Variants in RCOR1 observed in about 807,000 individuals in gnomAD.
The protein encoded by RCOR1 is REST corepressor 1, also known as REST corepressor.
RCOR1 carries 12 observed loss-of-function variants against 64.0 expected under a neutral mutation model. That is an observed-to-expected ratio of 0.19 (90% confidence interval 0.12 to 0.30). The LOEUF (loss-of-function observed/expected upper bound fraction) is 0.30, where lower values mean the gene tolerates loss of function less well. Ranked by LOEUF, RCOR1 falls within the 10% of genes least tolerant of loss-of-function variation. RCOR1 has a pLI of 1.00. For missense variants in RCOR1, 502 were observed against 621.2 expected (o/e 0.81, Z 2.04); for synonymous variants, 279 against 227.2 (o/e 1.23, Z -2.05).
chr14:102,721,161 A>G (rs537216156), intron 9 of RCOR1, 77 bp downstream of exon 9: 2 of 1,033,358 alleles, frequency 1.9e-6, no homozygotes, highest in African/African-American at 3.2e-5. Context: ...GGTGTGATAC[A>G]TCCCCAGTAT....
intron 2 of RCOR1, among the ~76,000 whole-genome samples, chr14:102,612,898 T>C (rs1389262890): frequency 1.4e-5 from 2 of 146,548 alleles, no homozygotes; most frequent in Non-Finnish European, 3.0e-5. Flanking sequence ...TTGAGGCTGC[T>C]ATGAGGTATG....
intron 10 of RCOR1, chr14:102,721,586 A>G (rs1417184789): frequency 5.3e-6 from 2 of 376,100 alleles, no homozygotes; most frequent in Non-Finnish European, 9.4e-6. Flanking sequence ...TGGAAAAAAA[A>G]GAGCTTAGGA....
rs138051129 is a variant in RCOR1, at chr14:102,673,542, A to G, written c.362-8353A>G. On this transcript the variant is annotated intron_variant, in intron 2 of 11. Coordinates refer to ENST00000262241, the MANE Select transcript of RCOR1 (RefSeq NM_015156.4). Reference sequence around the variant, plus strand: ...AGTAGAGACGGGGTTTCACTGTGTTAGCCAGGATGGTCTCGATCTCCTGAC... The same window carrying G: ...AGTAGAGACGGGGTTTCACTGTGTTGGCCAGGATGGTCTCGATCTCCTGAC... Among the ~76,000 whole-genome samples the G allele has an allele frequency of 3.8e-3, 576 of 151,796 alleles. 5 individuals carry two copies. Among genetic ancestry groups the G allele is most frequent in the African/African-American group, 0.012 (513 of 41,372 alleles).
chr14:102,608,339 A>G (rs1334217980), intron 2 of RCOR1, among the ~76,000 whole-genome samples: 1 of 152,138 alleles, frequency 6.6e-6, no homozygotes, highest in Non-Finnish European at 1.5e-5. Context: ...CACTTAGTGT[A>G]ATGTTTTCAA....
At chr14:102,708,357 C>T (rs1895895970) in intron 5 of RCOR1, 108 bp from the exon 6 acceptor site, 2 of 676,566 alleles carry the variant, frequency 3.0e-6, no homozygotes, top group South Asian at 2.9e-5. Context: ...GCCTTAGCCA[C>T]CCAAAGTGCT....
chr14:102,596,347 C>T (rs904297571), intron 2 of RCOR1, among the ~76,000 whole-genome samples: 1 of 152,132 alleles, frequency 6.6e-6, no homozygotes, highest in Non-Finnish European at 1.5e-5. Context: ...AGGTGATCCA[C>T]CCACCTCAGC....
At chr14:102,662,993 A>C (rs1894854390) in intron 2 of RCOR1, among the ~76,000 whole-genome samples, 1 of 152,120 alleles carries the variant, frequency 6.6e-6, no homozygotes, top group Non-Finnish European at 1.5e-5. Flanking sequence ...CCCCACGCAA[A>C]TCTCATCTTG....
chr14:102,721,207 G>T, intron 9 of RCOR1, 113 bp from the exon 10 acceptor site: 1 of 1,115,032 alleles, frequency 9.0e-7, no homozygotes, highest in South Asian at 1.4e-5. Context: ...ATAATTTTAT[G>T]AACCCAGTTG....
intron 2 of RCOR1, among the ~76,000 whole-genome samples, chr14:102,593,604 C>T (rs1191744665): frequency 2.0e-5 from 3 of 152,240 alleles, no homozygotes; most frequent in Admixed American, 1.3e-4. Context: ...GAGGTGGCCA[C>T]ACCTGGCCTG....
rs145296778 is a variant in RCOR1 at position 102,673,029 on chromosome 14, TTGTC to T, written c.362-8863_362-8860del. Among the ~76,000 whole-genome samples the T allele has an allele frequency of 6.7e-3, 1,019 of 152,330 alleles. 13 individuals carry two copies. Among genetic ancestry groups the T allele is most frequent in the African/African-American group, 0.024 (982 of 41,574 alleles). The stretch of plus-strand genomic sequence containing the variant: ...TCTCACAATGTACACAAAATAGTAT[TTGTC>T]TGCTTAACACTGGGATTTGCAAAGA... On this transcript the variant is annotated intron_variant, in intron 2 of 11. Coordinates refer to ENST00000262241, the MANE Select transcript of RCOR1 (RefSeq NM_015156.4).
intron 2 of RCOR1, among the ~76,000 whole-genome samples, chr14:102,617,688 C>A (rs1402392507): frequency 1.3e-5 from 2 of 148,860 alleles, no homozygotes; most frequent in Non-Finnish European, 3.0e-5. Flanking sequence ...TTCCCAGGTT[C>A]AAGGGATTCT....
chr14:102,668,556 C>T (rs1894963743), intron 2 of RCOR1, among the ~76,000 whole-genome samples: 1 of 152,104 alleles, frequency 6.6e-6, no homozygotes, highest in Non-Finnish European at 1.5e-5. Flanking sequence ...CTGCTGAAGC[C>T]CTTTCTGTCT....
intron 2 of RCOR1, among the ~76,000 whole-genome samples, chr14:102,638,554 C>T (rs1390667005): frequency 1.3e-5 from 2 of 152,090 alleles, no homozygotes; most frequent in South Asian, 2.1e-4. Flanking sequence ...CCATGTTGGC[C>T]AGGCTGGTCT....
At chr14:102,607,487 G>C (rs1455633322) in intron 2 of RCOR1, among the ~76,000 whole-genome samples, 1 of 151,906 alleles carries the variant, frequency 6.6e-6, no homozygotes, top group Non-Finnish European at 1.5e-5. Context: ...TGACTCATGC[G>C]TGTAATCCCA....
chr14:102,700,379 A>T (rs996181442), intron 3 of RCOR1, among the ~76,000 whole-genome samples: 1 of 151,960 alleles, frequency 6.6e-6, no homozygotes. Context: ...GTGCCACCAC[A>T]CCTGGCTAAT....
At chr14:102,653,991 T>C (rs867569198) in intron 2 of RCOR1, among the ~76,000 whole-genome samples, 49 of 112,150 alleles carry the variant, frequency 4.4e-4, no homozygotes, top group East Asian at 1.2e-3. Flanking sequence ...TTCTTTTTTT[T>C]TTTTTTTTTT....
chr14:102,597,062 G>A (rs1287959741), intron 2 of RCOR1, among the ~76,000 whole-genome samples: 5 of 150,900 alleles, frequency 3.3e-5, no homozygotes, highest in African/African-American at 4.9e-5. Context: ...TAGTAGAGAC[G>A]GGGTTTCACC....
intron 2 of RCOR1, among the ~76,000 whole-genome samples, chr14:102,679,537 G>A (rs1010592713): frequency 4.0e-5 from 6 of 151,034 alleles, no homozygotes; most frequent in African/African-American, 1.5e-4. Flanking sequence ...GGAGTGCAGT[G>A]GTGCAATCTT....
intron 2 of RCOR1, among the ~76,000 whole-genome samples, chr14:102,629,077 A>G (rs1352034136): frequency 6.6e-6 from 1 of 151,934 alleles, no homozygotes; most frequent in Admixed American, 6.6e-5. Context: ...TGTATTCAAC[A>G]CGCTGTTTCC....
Sources: gnomAD v4.1 joint callset for allele counts (sites outside exome capture counted in the v4.1 genomes callset) on GRCh38, gnomAD v4.1.1 for gene constraint, MANE v1.5 for transcripts, NCBI Gene and HGNC (gene_info 2026-07-23, HGNC 2026-07-21) for gene names.